STYK1: variants seen among roughly 807,000 people sequenced by gnomAD.
The protein encoded by STYK1 is STY kinase 1.
STYK1 carries 46 observed loss-of-function variants against 48.1 expected under a neutral mutation model. The ratio of observed to expected loss-of-function variants is 0.96; its 90% confidence interval spans 0.75 to 1.22. STYK1 has a LOEUF of 1.22. Ranked by LOEUF, STYK1 falls within the 50% of genes most tolerant of loss-of-function variation. The probability of loss-of-function intolerance (pLI) is 0.00; values close to 1 mark genes in which losing one functional copy is unlikely to be tolerated. For missense variants in STYK1, 527 were observed against 521.1 expected (o/e 1.01, Z -0.11); for synonymous variants, 188 against 189.0 (o/e 0.99, Z 0.04).
intron 1 of STYK1, among the ~76,000 whole-genome samples, chr12:10,665,187 C>G (rs769868429): frequency 6.6e-6 from 1 of 152,204 alleles, no homozygotes; most frequent in African/African-American, 2.4e-5. Context: ...GCCGTTCACA[C>G]GCTGTAAATG....
In STYK1 at chr12:10,668,012, A is replaced by G. The variant is rs1217955466; in HGVS notation, c.-195+5954T>C. ...GATAGAAACCCCTTACTCCATCCCC[A>G]TTATCCTTTCTGTATCCAGAGGTGA... On this transcript the variant is annotated intron_variant, in intron 1 of 10. Transcript: ENST00000075503. Among the ~76,000 whole-genome samples, 5 of 152,292 alleles carry G rather than the reference A, an allele frequency of 3.3e-5. No homozygotes were observed. The East Asian group carries it at 7.7e-4, about 24-fold the overall frequency.
At chr12:10,632,628 A>T (rs1947442315) in intron 4 of STYK1, among the ~76,000 whole-genome samples, 1 of 152,114 alleles carries the variant, frequency 6.6e-6, no homozygotes, top group African/African-American at 2.4e-5. Flanking sequence ...GTATTAAAAG[A>T]CTCATTCTGG....
intron 1 of STYK1, among the ~76,000 whole-genome samples, chr12:10,649,017 T>C (rs1179076946): frequency 6.6e-6 from 1 of 152,220 alleles, no homozygotes; most frequent in Non-Finnish European, 1.5e-5. Context: ...TTCATAATTT[T>C]GACTCTGTAA....
Position 10,634,561 on chromosome 12 carries a change from A to T in STYK1, c.52+6T>A. 1 of 1,613,816 alleles carries T rather than the reference A, an allele frequency of 6.2e-7. No homozygotes were observed. On this transcript the variant is annotated splice_donor_region_variant and intron_variant, in intron 3 of 10. Transcript: ENST00000075503. ...GAGGATAGACATCTGTGGAATCCGT[A>T]CTTACCACACAACTTGTCACTGAGA...
intron 7 of STYK1, among the ~76,000 whole-genome samples, chr12:10,625,198 CTTTCTTTT>C (rs1475803056): frequency 1.9e-4 from 23 of 121,276 alleles, no homozygotes; most frequent in Non-Finnish European, 2.4e-4. Flanking sequence ...TTCCAAGTTT[CTTTCTTTT>C]TTTGTTTGTT....
intron 1 of STYK1, among the ~76,000 whole-genome samples, chr12:10,646,635 A>G (rs1360945158): frequency 6.6e-6 from 1 of 152,242 alleles, no homozygotes; most frequent in African/African-American, 2.4e-5. Context: ...AATTTGCATA[A>G]GTAACAAGGA....
rs149794190 is a variant in STYK1 at position 10,662,551 on chromosome 12, C to T, written c.-195+11415G>A. Reference sequence around the variant, plus strand: ...GCTTTTTGTCTTTTTTACTGTAGCCCAACTAGTTGGTATGAAATGATATCT... The same window carrying T: ...GCTTTTTGTCTTTTTTACTGTAGCCTAACTAGTTGGTATGAAATGATATCT... On this transcript the variant is annotated intron_variant, in intron 1 of 10. Coordinates refer to ENST00000075503, the MANE Select transcript of STYK1 (RefSeq NM_018423.3). 1.1e-3 allele frequency among the ~76,000 whole-genome samples: 161 copies of T among 152,196 alleles called. 1 individual carries two copies. Among genetic ancestry groups the T allele is most frequent in the African/African-American group, 3.7e-3 (152 of 41,528 alleles).
At chr12:10,649,851 G>T (rs1283331287) in intron 1 of STYK1, among the ~76,000 whole-genome samples, 1 of 152,126 alleles carries the variant, frequency 6.6e-6, no homozygotes, top group Non-Finnish European at 1.5e-5. Context: ...AGTGGTTCAC[G>T]CCGGTAATCC....
At chr12:10,673,215 T>C (rs1286181531) in intron 1 of STYK1, among the ~76,000 whole-genome samples, 2 of 151,876 alleles carry the variant, frequency 1.3e-5, no homozygotes, top group Non-Finnish European at 2.9e-5. Context: ...CTACTAAAAA[T>C]ACAAAAAAAT....
chr12:10,638,254 G>T (rs2120679544), intron 1 of STYK1, among the ~76,000 whole-genome samples: 1 of 152,234 alleles, frequency 6.6e-6, no homozygotes, highest in South Asian at 2.1e-4. Context: ...TTCAGGCAGG[G>T]TTCTAGTTAG....
chr12:10,663,879 A>G (rs1030267309), intron 1 of STYK1, among the ~76,000 whole-genome samples: 4 of 152,242 alleles, frequency 2.6e-5, no homozygotes, highest in Middle Eastern at 3.4e-3. Context: ...GGTCTTCTTT[A>G]GCTTCTTTCA....
At chr12:10,633,576 T>C (rs1947452128) in intron 4 of STYK1, among the ~76,000 whole-genome samples, 1 of 152,098 alleles carries the variant, frequency 6.6e-6, no homozygotes, top group African/African-American at 2.4e-5. Flanking sequence ...TAAAGGCCCC[T>C]CCTTTCCATC....
intron 4 of STYK1, among the ~76,000 whole-genome samples, chr12:10,633,187 C>T (rs1049666398): frequency 6.6e-6 from 1 of 152,162 alleles, no homozygotes; most frequent in Non-Finnish European, 1.5e-5. Flanking sequence ...AAGACGAAGA[C>T]TAAGAATTGA....
chr12:10,622,517 T>C (rs1416657002), intron 9 of STYK1, 121 bp downstream of exon 9: 1 of 1,085,822 alleles, frequency 9.2e-7, no homozygotes, highest in Non-Finnish European at 1.4e-6. Flanking sequence ...AACATGTCAG[T>C]CCATTTCAAG....
At chr12:10,654,430 G>C (rs1947695862) in intron 1 of STYK1, among the ~76,000 whole-genome samples, 1 of 152,076 alleles carries the variant, frequency 6.6e-6, no homozygotes, top group Non-Finnish European at 1.5e-5. Context: ...CCTCTCTTGG[G>C]GTCTGGATTG....
At chr12:10,664,215 T>C (rs1289875549) in intron 1 of STYK1, among the ~76,000 whole-genome samples, 2 of 152,142 alleles carry the variant, frequency 1.3e-5, no homozygotes, top group Non-Finnish European at 2.9e-5. Flanking sequence ...ACCCAGCTCA[T>C]TTTCCCCTGA....
Position 10,634,049 on chromosome 12 carries a change from A to G in STYK1, c.128T>C (p.Val43Ala). Residue 43 changes from valine to alanine, a missense_variant, in exon 4 of 11, where the codon GTC becomes GCC. Physicochemically the swap from Val to Ala is moderately conservative, Grantham distance 64. Transcript: ENST00000075503. ...LVTIFLILLG[V>A]ILWLFIREQR... The stretch of plus-strand genomic sequence containing the variant: ...TTCTCTGATAAAAAGCCACAGGATG[A>G]CCCCAAGAAGGATGAGGAAGATAGT... 1 of 1,614,116 alleles carries G rather than the reference A, an allele frequency of 6.2e-7. No individual in the cohort carries two copies. The highest frequency in any genetic ancestry group is 1.3e-5 in the African/African-American group (1 of 75,014).
chr12:10,664,273 G>A (rs1947811852), intron 1 of STYK1, among the ~76,000 whole-genome samples: 1 of 152,102 alleles, frequency 6.6e-6, no homozygotes, highest in Non-Finnish European at 1.5e-5. Context: ...ATGAATTGCA[G>A]GGACAAGAGA....
Position 10,631,053 on chromosome 12 carries a change from G to A in STYK1, c.443C>T (p.Ala148Val). ...AACACTTCTTGTTTTACCTTTTAAAGCCTTGAGAATAACACTCTTGGGCTT... is the reference window on the plus strand; with the variant it reads ...AACACTTCTTGTTTTACCTTTTAAAACCTTGAGAATAACACTCTTGGGCTT... ...PSKPKSVILK[A>V]LKEPAGLHEV... The change falls in exon 5 of 11, where the codon GCT (alanine) becomes GTT (valine). Residue 148 changes from alanine to valine, a missense_variant. Coordinates refer to ENST00000075503, the MANE Select transcript of STYK1 (RefSeq NM_018423.3). The A allele has an allele frequency of 6.2e-7, 1 of 1,613,632 alleles. No individual in the cohort carries two copies. The highest frequency in any genetic ancestry group is 8.5e-7 in the Non-Finnish European group (1 of 1,179,784).
Sources: gnomAD v4.1 joint callset for allele counts (sites outside exome capture counted in the v4.1 genomes callset) on GRCh38, gnomAD v4.1.1 for gene constraint, MANE v1.5 for transcripts, NCBI Gene and HGNC (gene_info 2026-07-23, HGNC 2026-07-21) for gene names.